Variants in MAP2K3 observed in about 807,000 individuals in gnomAD.
MAP2K3 encodes the protein mitogen-activated protein kinase kinase 3.
MAP2K3 carries 30 observed loss-of-function variants against 46.4 expected under a neutral mutation model. The ratio of observed to expected loss-of-function variants is 0.65; its 90% CI spans 0.48 to 0.88. MAP2K3 has a LOEUF of 0.88. MAP2K3 is among the 40% of genes least tolerant of loss of function. The probability of loss-of-function intolerance (pLI) is 0.00; values close to 1 mark genes in which losing one functional copy is unlikely to be tolerated. For synonymous variants in MAP2K3, 189 were observed against 176.3 expected (o/e 1.07, Z -0.57); for missense variants, 380 against 464.5 (o/e 0.82, Z 1.67).
intron 7 of MAP2K3, 41 bp from the exon 8 acceptor site, chr17:21,304,385 G>C (rs201691897): frequency 1.9e-6 from 3 of 1,612,380 alleles, no homozygotes; most frequent in Non-Finnish European, 2.5e-6. Context: ...GCCTCCAGTC[G>C]TGCTCCACAG....
At chr17:21,307,845 CTTTTTTTTTTT>C (rs35690616) in intron 9 of MAP2K3, among the ~76,000 whole-genome samples, 11 of 104,796 alleles carry the variant, frequency 1.0e-4, no homozygotes, top group South Asian at 3.4e-4. Flanking sequence ...GCCCGGCTAT[CTTTTTTTTTTT>C]TTTTTTTTTT....
chr17:21,303,395 T>A (rs1364728495), intron 7 of MAP2K3, among the ~76,000 whole-genome samples, 161 bp downstream of exon 7: 1 of 152,312 alleles, frequency 6.6e-6, no homozygotes, highest in Non-Finnish European at 1.5e-5. Flanking sequence ...GCCCTGCAGC[T>A]GCCTCCCCTC....
chr17:21,298,768 G>A (rs1051018061), intron 2 of MAP2K3, 110 bp from the exon 3 acceptor site: 3,118 of 1,525,606 alleles, frequency 2.0e-3, no homozygotes, highest in Non-Finnish European at 2.2e-3. Context: ...GCGCCTCCGG[G>A]GCAGGAGGCA....
intron 9 of MAP2K3, among the ~76,000 whole-genome samples, chr17:21,306,402 G>A (rs1405858858): frequency 1.3e-5 from 2 of 152,252 alleles, no homozygotes; most frequent in Admixed American, 1.3e-4. Context: ...GTGAGTGTGG[G>A]GTGCAGAGCT....
chr17:21,306,787 A>G (rs550310382), intron 9 of MAP2K3, among the ~76,000 whole-genome samples: 1 of 152,390 alleles, frequency 6.6e-6, no homozygotes, highest in East Asian at 1.9e-4. Flanking sequence ...CCAGCCTCAC[A>G]TGGAGAGGTT....
intron 6 of MAP2K3, among the ~76,000 whole-genome samples, chr17:21,302,821 A>G (rs949563302): frequency 6.6e-6 from 1 of 152,308 alleles, no homozygotes; most frequent in Non-Finnish European, 1.5e-5. Flanking sequence ...AGCCTTCCCA[A>G]GGGAAATGGC....
intron 9 of MAP2K3, among the ~76,000 whole-genome samples, chr17:21,306,871 G>A (rs2144631293): frequency 6.6e-6 from 1 of 152,424 alleles, no homozygotes; most frequent in African/African-American, 2.4e-5. Flanking sequence ...CTGCAGCCTT[G>A]AACTCCCAGG....
rs540538024 is a variant in MAP2K3, at chr17:21,288,296, G to A, written c.49+3327G>A. ...CTGGGAACCCCTGGGCAGGCCCTCT[G>A]TGCCCCACCCAGGAACTTCCTCTAT... is the stretch of plus-strand genomic sequence containing the variant. On this transcript the variant is annotated intron_variant, in intron 1 of 11. Coordinates refer to ENST00000342679, the MANE Select transcript of MAP2K3 (RefSeq NM_145109.3). Among the ~76,000 whole-genome samples, 6 of 152,322 alleles carry A rather than the reference G, an allele frequency of 3.9e-5. 1 individual carries two copies. In the South Asian group the frequency reaches 1.2e-3, roughly 32 times the overall value.
intron 1 of MAP2K3, chr17:21,296,318 T>A: frequency 3.0e-6 from 2 of 670,402 alleles, no homozygotes; most frequent in Non-Finnish European, 4.6e-6. Context: ...GCTGCGCCAC[T>A]CCAAGCCCAG....
intron 1 of MAP2K3, among the ~76,000 whole-genome samples, chr17:21,297,284 G>T (rs1443490502): frequency 6.6e-6 from 1 of 152,310 alleles, no homozygotes; most frequent in Non-Finnish European, 1.5e-5. Flanking sequence ...TTCTTGGCAG[G>T]CGGCAGCAGG....
chr17:21,309,812 C>T (rs1977078231), intron 9 of MAP2K3, among the ~76,000 whole-genome samples: 1 of 152,016 alleles, frequency 6.6e-6, no homozygotes, highest in Non-Finnish European at 1.5e-5. Flanking sequence ...TGGGGTTTCA[C>T]CATATTGGCT....
intron 9 of MAP2K3, among the ~76,000 whole-genome samples, chr17:21,310,815 C>T (rs1053695444): frequency 3.5e-4 from 54 of 152,378 alleles, no homozygotes; most frequent in African/African-American, 1.2e-3. Context: ...CCATATGGCA[C>T]ATCTTCGTGT....
chr17:21,303,110 C>T (rs1976697258), intron 6 of MAP2K3, 73 bp from the exon 7 acceptor site: 5 of 1,596,350 alleles, frequency 3.1e-6, no homozygotes, highest in Non-Finnish European at 2.6e-6. Flanking sequence ...TGGGGTCTTA[C>T]TGCTCTGTCG....
chr17:21,310,272 G>A (rs1412021527), intron 9 of MAP2K3, among the ~76,000 whole-genome samples: 15 of 151,964 alleles, frequency 9.9e-5, no homozygotes, highest in Middle Eastern at 6.8e-3. Context: ...GCCTCCCAAA[G>A]TGCTTGGATT....
chr17:21,313,060 T>A (rs1977239991), intron 10 of MAP2K3, among the ~76,000 whole-genome samples: 1 of 152,162 alleles, frequency 6.6e-6, no homozygotes, highest in African/African-American at 2.4e-5. Flanking sequence ...CCCCGCACTT[T>A]TATTGTTGAC....
At chr17:21,308,559 C>A (rs1977012733) in intron 9 of MAP2K3, among the ~76,000 whole-genome samples, 4 of 152,264 alleles carry the variant, frequency 2.6e-5, no homozygotes, top group Admixed American at 2.6e-4. Flanking sequence ...TGGGACTGGG[C>A]CATACCTTCA....
At chr17:21,291,293 C>T (rs1031081201) in intron 1 of MAP2K3, 11 of 21,800 alleles carry the variant, frequency 5.0e-4, no homozygotes, top group African/African-American at 4.8e-3. Flanking sequence ...CAATAGAATA[C>T]AATACAATAG....
chr17:21,312,228 C>T lies in MAP2K3; in HGVS notation c.861C>T (p.Pro287=), dbSNP rs1242696981. 5.0e-6 allele frequency: 8 copies of T among 1,604,460 alleles called. No homozygotes were observed. The South Asian group carries it at 7.8e-5, about 16-fold the overall frequency. The change falls in exon 10 of 12, where the codon CCC becomes CCT. Residue 287 remains proline, a synonymous_variant. Transcript: ENST00000342679. ...QLKQVVEEPS[P]QLPADRFSPE... ...AGCAGGTGGTGGAGGAGCCGTCCCC[C>T]CAGCTCCCAGCCGACCGTTTCTCCC...
chr17:21,285,001 C>T, intron 1 of MAP2K3, 32 bp downstream of exon 1: 1 of 1,598,370 alleles, frequency 6.3e-7, no homozygotes, highest in Non-Finnish European at 8.5e-7. Context: ...CTCGGCCTGA[C>T]CCCGCGCCTA....
Sources: gnomAD v4.1 joint callset for allele counts (sites outside exome capture counted in the v4.1 genomes callset) on GRCh38, gnomAD v4.1.1 for gene constraint, MANE v1.5 for transcripts, NCBI Gene and HGNC (gene_info 2026-07-23, HGNC 2026-07-21) for gene names.